The following EVC variants were observed in gnomAD, a reference collection of about 807,000 sequenced individuals.
EVC encodes evC complex member EVC.
EVC carries 116 observed loss-of-function variants against 118.9 expected under a neutral mutation model. The observed-to-expected ratio is 0.98, with a 90% CI of 0.84 to 1.14. EVC has a LOEUF of 1.14. EVC is among the 50% of genes most tolerant of loss of function. EVC has a pLI of 0.00. For synonymous variants in EVC, 619 were observed against 534.7 expected, an observed-to-expected ratio of 1.16 and a Z score of -2.18; for missense variants, 1,401 against 1,246.4, an observed-to-expected ratio of 1.12 and a Z score of -1.87.
intron 5 of EVC, among the ~76,000 whole-genome samples, chr4:5,735,362 C>G (rs1195001633): frequency 3.9e-5 from 6 of 152,186 alleles, no homozygotes; most frequent in Admixed American, 2.0e-4. Context: ...CAGTCCTAGA[C>G]CCTAGTCCAC....
chr4:5,759,700 A>G (rs1191726994), intron 11 of EVC, among the ~76,000 whole-genome samples: 1 of 152,194 alleles, frequency 6.6e-6, no homozygotes, highest in Non-Finnish European at 1.5e-5. Flanking sequence ...GTAAAACCCT[A>G]TCAATGATTG....
chr4:5,810,839 A>G lies in EVC; in HGVS notation c.2895-114A>G, dbSNP rs2279247. On this transcript the variant is annotated intron_variant, in intron 20 of 20. Coordinates refer to ENST00000264956, the MANE Select transcript of EVC (RefSeq NM_153717.3). ...CTTAACAACCCATGTCAAAGTAAAA[A>G]TTGTTTTGATCACCTTTGGCTGCAT... The G allele has an allele frequency of 0.24, 242,351 of 1,014,264 alleles. 31,390 individuals are homozygous for G. The highest frequency in any genetic ancestry group is 0.3 in the African/African-American group (18,840 of 62,574). 62.8% of individuals were successfully genotyped at this position (1,014,264 alleles called of 1,614,324 possible). A position where few individuals can be genotyped will look rare whatever the true frequency, so the allele number is the denominator to read the frequency against.
chr4:5,807,332 CA>C (rs1716077568), intron 17 of EVC, among the ~76,000 whole-genome samples: 1 of 152,136 alleles, frequency 6.6e-6, no homozygotes, highest in East Asian at 1.9e-4. Flanking sequence ...TGGGCAAAAA[CA>C]GAGAGGAAAG....
At chr4:5,815,289 G>T (rs1213688146), downstream of EVC, among the ~76,000 whole-genome samples, 1 of 152,150 alleles carries the variant, frequency 6.6e-6, no homozygotes, top group Admixed American at 6.5e-5. Context: ...GGGCACAGAG[G>T]GCAAGCTTTT....
the EVC span, chr4:5,825,843 TCATACACACAAGCATG>T: frequency 1.7e-6 from 1 of 604,168 alleles, no homozygotes. The surrounding 1 kb of genome is among the most constrained non-coding windows in gnomAD (Gnocchi z 4.4). Context: ...ACACAGGCAT[TCATACACACAAGCATG>T]CATACACACA....
intron 3 of EVC, 132 bp downstream of exon 3, chr4:5,729,522 G>C: frequency 1.1e-6 from 1 of 896,404 alleles, no homozygotes; most frequent in South Asian, 1.4e-5. Flanking sequence ...CATTTTAGTA[G>C]GGATAGTTTT....
intron 2 of EVC, among the ~76,000 whole-genome samples, chr4:5,728,181 G>A (rs1022689297): frequency 3.3e-5 from 5 of 152,144 alleles, no homozygotes; most frequent in African/African-American, 9.7e-5. Context: ...CCATTTTCAC[G>A]ATACTGATTC....
At chr4:5,762,380 A>G in intron 11 of EVC, among the ~76,000 whole-genome samples, 1 of 137,138 alleles carries the variant, frequency 7.3e-6, no homozygotes, top group East Asian at 2.2e-4. Flanking sequence ...ATGTGTCTTT[A>G]TAGCAGCATG....
rs1464799918 is a variant in EVC, at chr4:5,814,110, G to A, written c.*3073G>A. 1 of 152,382 alleles carries A rather than the reference G, an allele frequency of 6.6e-6. No individual in the cohort carries two copies. The highest frequency in any genetic ancestry group is 1.5e-5 in the Non-Finnish European group (1 of 68,110). 9.4% of individuals were successfully genotyped at this position (152,382 alleles called of 1,614,324 possible). A position where few individuals can be genotyped will look rare whatever the true frequency, so the allele number is the denominator to read the frequency against. ...CTGAGCCACATGAAGGCAGCACTCAGGGCCAGGGGAGAGAGAAGAGGATCA... is the reference window on the plus strand; with the variant it reads ...CTGAGCCACATGAAGGCAGCACTCAAGGCCAGGGGAGAGAGAAGAGGATCA... On this transcript the variant is annotated 3_prime_UTR_variant, in exon 21 of 21. Transcript: ENST00000264956.
chr4:5,778,238 T>C (rs1263198970), intron 11 of EVC, among the ~76,000 whole-genome samples: 1 of 151,798 alleles, frequency 6.6e-6, no homozygotes, highest in Admixed American at 6.6e-5. Flanking sequence ...CAGTCTATCA[T>C]TGTTGGACAT....
chr4:5,753,628 C>T (rs920711960), intron 9 of EVC, among the ~76,000 whole-genome samples, 157 bp from the exon 10 acceptor site: 4 of 152,178 alleles, frequency 2.6e-5, no homozygotes, highest in Admixed American at 6.5e-5. Flanking sequence ...CTAGTGGGAC[C>T]TACAGAAAAA....
intron 11 of EVC, among the ~76,000 whole-genome samples, chr4:5,767,325 A>C (rs80015377): frequency 0.21 from 25,842 of 125,794 alleles, 2,952 homozygotes; most frequent in East Asian, 0.26. Flanking sequence ...GGGACATTTA[A>C]GTCTGCAGAG....
chr4:5,747,504 C>G (rs1398895568), intron 7 of EVC, among the ~76,000 whole-genome samples: 4 of 152,168 alleles, frequency 2.6e-5, no homozygotes, highest in Non-Finnish European at 4.4e-5. Flanking sequence ...CAGAGCCTGG[C>G]GAACAGCCTG....
intron 2 of EVC, among the ~76,000 whole-genome samples, chr4:5,728,723 C>G (rs1006419153): frequency 8.5e-5 from 13 of 152,124 alleles, no homozygotes; most frequent in South Asian, 2.1e-4. Flanking sequence ...GGGTCTAATC[C>G]CAACTCTTGT....
chr4:5,720,142 C>G lies in EVC; in HGVS notation c.300+769C>G, dbSNP rs115974855. ...GGAGAGGATGTGACATTTCTAGTCACCTCCTTGTCCCCTAGGAAGTACTGC... is the reference window on the plus strand; with the variant it reads ...GGAGAGGATGTGACATTTCTAGTCAGCTCCTTGTCCCCTAGGAAGTACTGC... On this transcript the variant is annotated intron_variant, in intron 2 of 20. Transcript: ENST00000264956. Among the ~76,000 whole-genome samples the G allele has an allele frequency of 5.7e-3, 860 of 152,150 alleles. 16 individuals carry two copies. The highest frequency in any genetic ancestry group is 0.018 in the African/African-American group (753 of 41,510).
intron 2 of EVC, among the ~76,000 whole-genome samples, chr4:5,722,604 A>G (rs1340559402): frequency 6.6e-6 from 1 of 151,812 alleles, no homozygotes; most frequent in African/African-American, 2.4e-5. Context: ...AAAATTCCAG[A>G]AGGCTCTGAG....
Position 5,763,117 on chromosome 4 carries a change from A to G in EVC, c.1563+6755A>G, listed in dbSNP as rs1163417878. On this transcript the variant is annotated intron_variant, in intron 11 of 20. Coordinates refer to ENST00000264956, the MANE Select transcript of EVC (RefSeq NM_153717.3). ...AAGGCATCCAGTTTCAGCTTTCTACATATGGCTAGCCAATTTTCCCAGCAC... is the reference window on the plus strand; with the variant it reads ...AAGGCATCCAGTTTCAGCTTTCTACGTATGGCTAGCCAATTTTCCCAGCAC... Among the ~76,000 whole-genome samples, 4 of 80,652 alleles carry G rather than the reference A, an allele frequency of 5.0e-5. 2 individuals are homozygous for G. The highest frequency in any genetic ancestry group is 2.2e-4 in the Admixed American group (2 of 8,934). The allele number at this position is 80,652 out of a possible 152,430, so 52.9% of individuals were successfully genotyped here.
intron 12 of EVC, among the ~76,000 whole-genome samples, chr4:5,786,505 A>G (rs985566239): frequency 2.0e-5 from 3 of 152,236 alleles, no homozygotes; most frequent in Admixed American, 6.5e-5. Flanking sequence ...AGCTGATTAC[A>G]TAAGTATGAC....
At chr4:5,724,928 T>C (rs746521815) in intron 2 of EVC, among the ~76,000 whole-genome samples, 1 of 151,976 alleles carries the variant, frequency 6.6e-6, no homozygotes, top group Non-Finnish European at 1.5e-5. Context: ...CCAATGTGTC[T>C]ATGTGTTCTC....
Sources: allele counts gnomAD v4.1 joint callset (sites outside exome capture counted in the v4.1 genomes callset), GRCh38; gene constraint gnomAD v4.1.1; non-coding constraint Gnocchi (gnomAD v3.1); transcripts MANE v1.5; gene names NCBI Gene and HGNC (gene_info 2026-07-23, HGNC 2026-07-21).